Variants in SPIDR observed in about 807,000 individuals in gnomAD.
SPIDR encodes DNA repair-scaffolding protein.
In SPIDR, 93 loss-of-function variants were observed where a neutral mutation model predicts 104.6. That is an observed-to-expected ratio of 0.89 (90% CI 0.75 to 1.06). The LOEUF is 1.06. SPIDR is among the 50% of genes least tolerant of loss of function. The probability of loss-of-function intolerance (pLI) is 0.00; values close to 1 mark genes in which losing one functional copy is unlikely to be tolerated. For missense variants in SPIDR, 1,154 were observed against 1,111.2 expected, an observed-to-expected ratio of 1.04 and a Z score of -0.55; for synonymous variants, 431 against 416.9, an observed-to-expected ratio of 1.03 and a Z score of -0.41.
intron 8 of SPIDR, among the ~76,000 whole-genome samples, chr8:47,501,162 T>A (rs1301965468): frequency 1.3e-5 from 2 of 152,208 alleles, no homozygotes; most frequent in African/African-American, 2.4e-5. Flanking sequence ...TAAAGTAGTT[T>A]TTTCCAATTC....
At chr8:47,482,835 G>T (rs1249892706) in intron 8 of SPIDR, among the ~76,000 whole-genome samples, 8 of 151,728 alleles carry the variant, frequency 5.3e-5, no homozygotes, top group East Asian at 1.9e-4. Flanking sequence ...GTTTTTTTTT[G>T]TTTTGTTTTG....
chr8:47,724,208 T>C (rs2154492733), intron 16 of SPIDR, among the ~76,000 whole-genome samples: 1 of 152,270 alleles, frequency 6.6e-6, no homozygotes, highest in Admixed American at 6.5e-5. Flanking sequence ...AACAGACTTA[T>C]CACAGAGGCA....
intron 5 of SPIDR, among the ~76,000 whole-genome samples, chr8:47,380,859 G>A (rs1403658403): frequency 2.6e-5 from 4 of 152,064 alleles, no homozygotes; most frequent in Non-Finnish European, 4.4e-5. Context: ...TGATTTTCAC[G>A]GATAAAGTTT....
At chr8:47,293,225 C>CGA (rs2040251386) in intron 4 of SPIDR, among the ~76,000 whole-genome samples, 2 of 151,498 alleles carry the variant, frequency 1.3e-5, no homozygotes, top group African/African-American at 2.4e-5. Flanking sequence ...CTCCTGGGCT[C>CGA]GAGCGATCCT....
chr8:47,699,561 C>T (rs1271394375), intron 11 of SPIDR, among the ~76,000 whole-genome samples: 9 of 148,312 alleles, frequency 6.1e-5, no homozygotes, highest in Admixed American at 4.0e-4. Flanking sequence ...CTTCAGATAA[C>T]TTTTTTTTTT....
intron 5 of SPIDR, among the ~76,000 whole-genome samples, chr8:47,372,948 A>G (rs1031016607): frequency 6.6e-6 from 1 of 152,172 alleles, no homozygotes; most frequent in Non-Finnish European, 1.5e-5. Flanking sequence ...AATTCTTAGC[A>G]GGGGTTAGGT....
chr8:47,404,504 G>A (rs182663238), intron 6 of SPIDR, among the ~76,000 whole-genome samples: 1 of 151,510 alleles, frequency 6.6e-6, no homozygotes, highest in African/African-American at 2.4e-5. Flanking sequence ...AAATTTACAA[G>A]AAAGAATCAA....
chr8:47,592,308 C>T, intron 8 of SPIDR: 1 of 1,103,936 alleles, frequency 9.1e-7, no homozygotes, highest in Non-Finnish European at 1.4e-6. Flanking sequence ...TGCGGATCTG[C>T]AGTGCTGGGG....
chr8:47,734,528 G>A (rs562959279), intron 19 of SPIDR, among the ~76,000 whole-genome samples: 1 of 152,282 alleles, frequency 6.6e-6, no homozygotes, highest in East Asian at 1.9e-4. Flanking sequence ...ACTGCCAAAT[G>A]CCTTGCACAG....
At chr8:47,408,754 T>C (rs2063099895) in intron 7 of SPIDR, among the ~76,000 whole-genome samples, 1 of 152,222 alleles carries the variant, frequency 6.6e-6, no homozygotes, top group African/African-American at 2.4e-5. Context: ...TTCAACATAG[T>C]AGCAGGATTA....
chr8:47,459,048 T>G (rs1554711669), intron 8 of SPIDR, among the ~76,000 whole-genome samples: 1 of 152,184 alleles, frequency 6.6e-6, no homozygotes, highest in East Asian at 1.9e-4. Context: ...AGCTAGTATT[T>G]TGTTAAGGGT....
intron 5 of SPIDR, among the ~76,000 whole-genome samples, chr8:47,369,791 C>T (rs1554637369): frequency 1.3e-5 from 2 of 152,066 alleles, no homozygotes; most frequent in South Asian, 2.1e-4. Flanking sequence ...AAAATGCATG[C>T]GGAAAGGAAA....
At chr8:47,488,257 A>G (rs2078042742) in intron 8 of SPIDR, among the ~76,000 whole-genome samples, 1 of 152,228 alleles carries the variant, frequency 6.6e-6, no homozygotes, top group African/African-American at 2.4e-5. Context: ...TCTAGAAGAA[A>G]TGGATAAATT....
chr8:47,389,471 C>T (rs1275924780), intron 5 of SPIDR, among the ~76,000 whole-genome samples: 3 of 151,890 alleles, frequency 2.0e-5, no homozygotes, highest in East Asian at 1.9e-4. Flanking sequence ...GGGCAGATCA[C>T]GAGGTCAGGA....
intron 10 of SPIDR, among the ~76,000 whole-genome samples, chr8:47,630,131 TA>T (rs2066829610): frequency 6.6e-6 from 1 of 152,220 alleles, no homozygotes. Flanking sequence ...TTGTCTCAAA[TA>T]TGTTAAATTA....
At chr8:47,434,850 A>G (rs2067997130) in intron 7 of SPIDR, among the ~76,000 whole-genome samples, 1 of 152,256 alleles carries the variant, frequency 6.6e-6, no homozygotes, top group South Asian at 2.1e-4. Context: ...TGACGTGAGT[A>G]TAATTGGACC....
intron 10 of SPIDR, among the ~76,000 whole-genome samples, chr8:47,644,770 T>C (rs1008640395): frequency 3.9e-5 from 6 of 152,102 alleles, no homozygotes; most frequent in African/African-American, 1.2e-4. Context: ...TGCCATGATA[T>C]GGAGTAACCT....
intron 10 of SPIDR, chr8:47,660,971 G>A (rs1427556989): frequency 2.0e-6 from 2 of 985,268 alleles, no homozygotes; most frequent in African/African-American, 3.5e-5. Context: ...TTAACTGGGT[G>A]TGAAACAAAT....
intron 8 of SPIDR, among the ~76,000 whole-genome samples, chr8:47,445,559 C>CTTTT (rs2070420526): frequency 6.6e-6 from 1 of 152,144 alleles, no homozygotes; most frequent in Non-Finnish European, 1.5e-5. Flanking sequence ...AATTGCACAT[C>CTTTT]TTTTACTTTA....
Sources: allele counts gnomAD v4.1 joint callset (sites outside exome capture counted in the v4.1 genomes callset), GRCh38; gene constraint gnomAD v4.1.1; transcripts MANE v1.5; gene names NCBI Gene and HGNC (gene_info 2026-07-23, HGNC 2026-07-21).